Variants in INO80 observed in about 807,000 individuals in gnomAD.
INO80 encodes chromatin-remodeling ATPase INO80.
INO80 carries 20 observed loss-of-function variants against 203.4 expected under a neutral mutation model. The ratio of observed to expected loss-of-function variants is 0.10; its 90% CI spans 0.07 to 0.14. The LOEUF (loss-of-function observed/expected upper bound fraction) is 0.14. INO80 is among the 10% of genes least tolerant of loss of function. The pLI, the probability that INO80 is intolerant of heterozygous loss-of-function variation, is 1.00. For missense variants in INO80, 1,419 were observed against 1,914.4 expected (o/e 0.74, Z 4.83); for synonymous variants, 726 against 685.2 (o/e 1.06, Z -0.93).
chr15:41,099,298 G>GT (rs2045773079), intron 1 of INO80, among the ~76,000 whole-genome samples: 1 of 139,308 alleles, frequency 7.2e-6, no homozygotes, highest in Non-Finnish European at 1.5e-5. Context: ...CAACAAGAGA[G>GT]TGAGAGAGAG....
intron 14 of INO80, among the ~76,000 whole-genome samples, chr15:41,061,639 TAAA>T (rs1237418478): frequency 6.6e-6 from 1 of 150,856 alleles, no homozygotes; most frequent in Non-Finnish European, 1.5e-5. Context: ...ATAAATAAAA[TAAA>T]AAAATTTAAA....
rs375367634 is a variant in INO80 at position 41,049,989 on chromosome 15, T to C, written c.2388A>G (p.Gln796=). The change falls in exon 20 of 36, where the codon CAA becomes CAG. Residue 796 remains glutamine, a synonymous_variant. Transcript: ENST00000648947. The stretch of plus-strand genomic sequence containing the variant: ...GGCTGCTGGTGGTGTTCTGTGCTTG[T>C]TGGGTAGAGCCCATAGAAGACTGCA... The part of the protein sequence containing the change: ...DLLQSSMGST[Q]QAQNTTSSLM... The C allele has an allele frequency of 1.1e-5, 17 of 1,614,062 alleles. No homozygotes were observed. The African/African-American group carries it at 1.1e-4, about 10-fold the overall frequency.
intron 1 of INO80, among the ~76,000 whole-genome samples, chr15:41,097,161 T>C (rs2045737707): frequency 6.6e-6 from 1 of 152,198 alleles, no homozygotes. Context: ...TTCTCCTGCC[T>C]CAGCCTCCTG....
intron 34 of INO80, 30 bp from the exon 35 acceptor site, chr15:40,983,107 GAAAA>G (rs367733180): frequency 7.6e-6 from 9 of 1,177,022 alleles, no homozygotes; most frequent in East Asian, 2.8e-5. Context: ...AAAAGGGAAA[GAAAA>G]AAAAAAAAAG....
At chr15:41,095,374 G>T (rs954756962) in intron 4 of INO80, among the ~76,000 whole-genome samples, 3 of 152,088 alleles carry the variant, frequency 2.0e-5, no homozygotes, top group Admixed American at 2.0e-4. Flanking sequence ...CTGGTCTCAA[G>T]CATTTCAGAT....
chr15:41,027,731 A>C lies in INO80; in HGVS notation c.2913T>G (p.Leu971=). 6.4e-7 allele frequency: 1 copy of C among 1,572,966 alleles called. No individual in the cohort carries two copies. Among genetic ancestry groups the C allele is most frequent in the Non-Finnish European group, 8.6e-7 (1 of 1,158,850 alleles). Residue 971 remains leucine (L), a synonymous_variant, in exon 25 of 36, where the codon CTT becomes CTG. Coordinates refer to ENST00000648947, the MANE Select transcript of INO80 (RefSeq NM_017553.3). ...CTGCTTTACAGTGGCTGCTGAAAAC[A>C]AGAGACTGCAAAATAAAAATGCAAA... ...NLCSCPLLKS[L]VFSSHCKAVS...
Position 41,016,221 on chromosome 15 carries a change from G to A in INO80, c.3275-6C>T. ...AGTGATGAGGCTCTCCTTGCCTGGGGAGAAGAAAAGGGGGTGAGGGGGAAC... is the reference window on the plus strand; with the variant it reads ...AGTGATGAGGCTCTCCTTGCCTGGGAAGAAGAAAAGGGGGTGAGGGGGAAC... On this transcript the variant is annotated splice_polypyrimidine_tract_variant and splice_region_variant and intron_variant, in intron 26 of 35. Transcript: ENST00000648947. 2.5e-6 allele frequency: 4 copies of A among 1,612,904 alleles called. No homozygotes were observed. Among genetic ancestry groups the A allele is most frequent in the Non-Finnish European group, 3.4e-6 (4 of 1,179,514 alleles).
intron 27 of INO80, among the ~76,000 whole-genome samples, chr15:41,011,219 T>G (rs1038065595): frequency 6.6e-6 from 1 of 152,222 alleles, no homozygotes; most frequent in Admixed American, 6.5e-5. Context: ...CTATTTGTTC[T>G]TAAGTTCAGA....
chr15:41,044,089 T>C (rs1323450934), intron 24 of INO80, among the ~76,000 whole-genome samples: 1 of 152,236 alleles, frequency 6.6e-6, no homozygotes, highest in African/African-American at 2.4e-5. Flanking sequence ...AAATCTCACA[T>C]ACCGTAGGTG....
At chr15:41,101,355 T>C (rs1482957816) in intron 1 of INO80, among the ~76,000 whole-genome samples, 2 of 152,164 alleles carry the variant, frequency 1.3e-5, no homozygotes, top group African/African-American at 2.4e-5. Flanking sequence ...CTTCTACCAA[T>C]TGTTTCTCAT....
chr15:41,082,316 C>G (rs1253567547), intron 7 of INO80, among the ~76,000 whole-genome samples: 1 of 151,114 alleles, frequency 6.6e-6, no homozygotes, highest in Non-Finnish European at 1.5e-5. Flanking sequence ...GCAACCCCGG[C>G]ACTTTGGGAG....
intron 25 of INO80, among the ~76,000 whole-genome samples, chr15:41,026,663 C>T (rs1196072977): frequency 1.3e-5 from 2 of 152,128 alleles, no homozygotes; most frequent in Non-Finnish European, 2.9e-5. Flanking sequence ...TAAGAAATGT[C>T]AACCTCTTAG....
At chr15:40,989,256 T>C (rs944749214) in intron 29 of INO80, among the ~76,000 whole-genome samples, 1 of 152,250 alleles carries the variant, frequency 6.6e-6, no homozygotes, top group Non-Finnish European at 1.5e-5. Context: ...AACAGTCATT[T>C]ACTAGCCCAT....
chr15:41,054,520 C>T (rs1434650352), intron 18 of INO80, among the ~76,000 whole-genome samples: 1 of 152,078 alleles, frequency 6.6e-6, no homozygotes, highest in East Asian at 1.9e-4. Flanking sequence ...AAAACAAATT[C>T]TAATACATAG....
intron 24 of INO80, among the ~76,000 whole-genome samples, chr15:41,035,257 A>G (rs1395302503): frequency 6.6e-6 from 1 of 152,198 alleles, no homozygotes; most frequent in Non-Finnish European, 1.5e-5. Flanking sequence ...GCATGGAAAT[A>G]AGGGGCTGTG....
chr15:41,079,812 G>A lies in INO80; in HGVS notation c.1020C>T (p.Thr340=). ...TCTTCCAGTACAGAAGCATCTCCTT[G>A]GTGAGGCGGCGGGCACGAGGCAAGG... ...KETLPRARRL[T]KEMLLYWKKY... The change falls in exon 9 of 36, where the codon ACC becomes ACT. Residue 340 remains threonine (T), a synonymous_variant. Coordinates refer to ENST00000648947, the MANE Select transcript of INO80 (RefSeq NM_017553.3). 6 of 1,614,066 alleles carry A rather than the reference G, an allele frequency of 3.7e-6. No individual in the cohort carries two copies. The highest frequency in any genetic ancestry group is 5.1e-6 in the Non-Finnish European group (6 of 1,180,000).
chr15:41,036,858 A>ACTTGAGGTCAGGCCG (rs2044584317), intron 24 of INO80, among the ~76,000 whole-genome samples: 1 of 152,110 alleles, frequency 6.6e-6, no homozygotes, highest in Non-Finnish European at 1.5e-5. Context: ...GAGGCAGGCC[A>ACTTGAGGTCAGGCCG]GTTACTTGAG....
intron 1 of INO80, chr15:41,108,998 G>T: frequency 6.2e-6 from 1 of 162,258 alleles, no homozygotes; most frequent in South Asian, 1.6e-4. Context: ...TCAGGCTGTT[G>T]GATTCACTTA....
At position 41,089,329 on chromosome 15, in the gene INO80, G is replaced by GT. The variant is rs1294703344; in HGVS notation, c.538-1648dup. Among the ~76,000 whole-genome samples, 7 of 152,308 alleles carry GT rather than the reference G, an allele frequency of 4.6e-5. No individual in the cohort carries two copies. In the East Asian group the frequency reaches 1.3e-3, roughly 29 times the overall value. On this transcript the variant is annotated intron_variant, in intron 5 of 35. Transcript: ENST00000648947. ...GATACTCTGTTAACCACTTCTACAG[G>GT]TTTATAAGGTTCAGAATATTATTCC...
Sources: gnomAD v4.1 joint callset for allele counts (sites outside exome capture counted in the v4.1 genomes callset) on GRCh38, gnomAD v4.1.1 for gene constraint, MANE v1.5 for transcripts, NCBI Gene and HGNC (gene_info 2026-07-23, HGNC 2026-07-21) for gene names.